SRRM4: variants seen among roughly 807,000 people sequenced by gnomAD.
SRRM4 encodes serine/arginine repetitive matrix protein 4.
In SRRM4, 33 loss-of-function variants were observed where a neutral mutation model predicts 68.9. That is an observed-to-expected ratio of 0.48 (90% confidence interval 0.36 to 0.64). The LOEUF (loss-of-function observed/expected upper bound fraction) is 0.64, where lower values mean the gene tolerates loss of function less well. Among genes scored for constraint, SRRM4 ranks in the 30% least tolerant of loss-of-function variants. The pLI is 0.00. For synonymous variants in SRRM4, 318 were observed against 318.8 expected (o/e 1.00, Z 0.03); for missense variants, 817 against 827.1 (o/e 0.99, Z 0.15).
intron 1 of SRRM4, among the ~76,000 whole-genome samples, chr12:119,041,918 G>A (rs1953671252): frequency 6.6e-6 from 1 of 152,150 alleles, no homozygotes. Flanking sequence ...GGTCCTACCA[G>A]GGGCCTTGCT....
intron 1 of SRRM4, chr12:118,989,837 T>G (rs1357543793): frequency 6.6e-6 from 1 of 152,202 alleles, no homozygotes; most frequent in African/African-American, 2.4e-5. Flanking sequence ...CTTTGCTGAG[T>G]ACAAATACCA....
chr12:119,028,136 T>C (rs1280036183), intron 1 of SRRM4, among the ~76,000 whole-genome samples: 2 of 152,212 alleles, frequency 1.3e-5, no homozygotes, highest in Non-Finnish European at 2.9e-5. Context: ...TCTTAGGATT[T>C]GCATTTCTAA....
chr12:118,988,933 G>A (rs1434420274), intron 1 of SRRM4, among the ~76,000 whole-genome samples: 1 of 152,310 alleles, frequency 6.6e-6, no homozygotes, highest in East Asian at 1.9e-4. Context: ...AGTGTTTGAG[G>A]CAGAGGGAAC....
chr12:119,122,328 A>C (rs1253185245), intron 6 of SRRM4, among the ~76,000 whole-genome samples: 1 of 147,118 alleles, frequency 6.8e-6, no homozygotes, highest in Non-Finnish European at 1.5e-5. Flanking sequence ...GGAAGGAAGG[A>C]AGGAAGGAAG....
chr12:119,032,483 A>T (rs1953598258), intron 1 of SRRM4, among the ~76,000 whole-genome samples: 1 of 152,184 alleles, frequency 6.6e-6, no homozygotes, highest in African/African-American at 2.4e-5. Flanking sequence ...AATTTAAATG[A>T]TCCCAATATT....
chr12:119,020,969 T>C (rs1016951886), intron 1 of SRRM4, among the ~76,000 whole-genome samples: 1 of 152,158 alleles, frequency 6.6e-6, no homozygotes, highest in Admixed American at 6.5e-5. Context: ...GGAAAGTGAT[T>C]CCTAGAGACG....
intron 1 of SRRM4, among the ~76,000 whole-genome samples, chr12:118,996,494 G>A (rs1374275131): frequency 3.3e-5 from 5 of 152,196 alleles, no homozygotes; most frequent in African/African-American, 1.2e-4. Context: ...TGACTAGAAA[G>A]CAGGGCAGGA....
intron 1 of SRRM4, among the ~76,000 whole-genome samples, chr12:119,042,620 G>T (rs1006372602): frequency 1.3e-5 from 2 of 151,400 alleles, no homozygotes; most frequent in African/African-American, 4.9e-5. Flanking sequence ...GAGATAGCAA[G>T]AGGGATGAGA....
At position 119,161,771 on chromosome 12, in the gene SRRM4, C is replaced by T. The variant is rs756110130; in HGVS notation, c.*4973C>T. The T allele has an allele frequency of 2.6e-5, 4 of 152,242 alleles. No individual in the cohort carries two copies. The highest frequency in any genetic ancestry group is 2.0e-4 in the Admixed American group (3 of 15,236). The allele number at this position is 152,242 out of a possible 1,614,324, so 9.4% of individuals were successfully genotyped here. On this transcript the variant is annotated 3_prime_UTR_variant, in exon 13 of 13. Transcript: ENST00000267260. ...AGGCTTCAGTCACACAAATTAGACT[C>T]AAATGGAACTAAAACACTGGTTATC...
intron 1 of SRRM4, among the ~76,000 whole-genome samples, chr12:119,052,705 T>A (rs938789464): frequency 1.3e-5 from 2 of 152,106 alleles, no homozygotes; most frequent in Admixed American, 6.6e-5. Context: ...ATTTTTTGTA[T>A]TTTTAGTAGA....
chr12:119,089,098 A>G (rs75011919), intron 1 of SRRM4, among the ~76,000 whole-genome samples: 7,199 of 152,080 alleles, frequency 0.047, 278 homozygotes, highest in East Asian at 0.12. Context: ...CCTGCCCCTC[A>G]TCAACAGAGA....
intron 1 of SRRM4, among the ~76,000 whole-genome samples, chr12:119,067,385 T>C (rs1384231376): frequency 6.6e-6 from 1 of 152,194 alleles, no homozygotes; most frequent in Non-Finnish European, 1.5e-5. Context: ...TTCATGAGTC[T>C]ATCAGGTCAG....
At chr12:119,054,753 G>A (rs535140356) in intron 1 of SRRM4, among the ~76,000 whole-genome samples, 39 of 152,252 alleles carry the variant, frequency 2.6e-4, no homozygotes, top group Admixed American at 5.9e-4. Flanking sequence ...ATTTCTTGAC[G>A]CTATTCTCCA....
At chr12:119,119,053 T>TG (rs1469881260) in intron 4 of SRRM4, among the ~76,000 whole-genome samples, 2 of 150,160 alleles carry the variant, frequency 1.3e-5, no homozygotes, top group Non-Finnish European at 3.0e-5. Context: ...CACTGAGATT[T>TG]TTTTTTTTTT....
At chr12:119,030,501 C>CA (rs57827916) in intron 1 of SRRM4, among the ~76,000 whole-genome samples, 139,150 of 151,844 alleles carry the variant, frequency 0.92, 64,099 homozygotes, top group African/African-American at 0.98. Flanking sequence ...TTTTTGATTA[C>CA]AAAAAAAAGT....
chr12:119,111,575 T>C (rs188645365), intron 2 of SRRM4, among the ~76,000 whole-genome samples: 2 of 152,326 alleles, frequency 1.3e-5, no homozygotes, highest in African/African-American at 2.4e-5. Context: ...CTCTCAAGTT[T>C]TTCTCCTTTC....
At chr12:119,084,517 G>A (rs2136033365) in intron 1 of SRRM4, among the ~76,000 whole-genome samples, 1 of 152,296 alleles carries the variant, frequency 6.6e-6, no homozygotes, top group Admixed American at 6.5e-5. Flanking sequence ...TAGCTACACT[G>A]ATAGTGAGAT....
intron 1 of SRRM4, among the ~76,000 whole-genome samples, chr12:119,018,283 T>G (rs1388800211): frequency 6.6e-6 from 1 of 152,168 alleles, no homozygotes; most frequent in East Asian, 1.9e-4. Flanking sequence ...AAAGGGGGGT[T>G]TTGGAAAGTC....
chr12:119,045,023 G>C (rs762060671), intron 1 of SRRM4, among the ~76,000 whole-genome samples: 3 of 152,300 alleles, frequency 2.0e-5, no homozygotes, highest in Admixed American at 1.3e-4. Context: ...TTGTTCACGA[G>C]AATCAATTAA....
Sources: gnomAD v4.1 joint callset for allele counts (sites outside exome capture counted in the v4.1 genomes callset) on GRCh38, gnomAD v4.1.1 for gene constraint, MANE v1.5 for transcripts, NCBI Gene and HGNC (gene_info 2026-07-23, HGNC 2026-07-21) for gene names.